SCAPER: variants seen among roughly 807,000 people sequenced by gnomAD.
SCAPER encodes the protein S phase cyclin A-associated protein in the endoplasmic reticulum.
A neutral mutation model predicts 182.2 loss-of-function variants in SCAPER; 98 were observed. The observed-to-expected ratio is 0.54, with a 90% CI of 0.46 to 0.64. The LOEUF is 0.64. Among genes scored for constraint, SCAPER ranks in the 30% least tolerant of loss-of-function variants. The pLI is 0.00. For missense variants in SCAPER, 1,432 were observed against 1,690.0 expected (o/e 0.85, Z 2.68); for synonymous variants, 605 against 564.6 (o/e 1.07, Z -1.01).
intron 1 of SCAPER, among the ~76,000 whole-genome samples, chr15:76,900,342 T>TAAAAAAAAAAAAAAAAAAAACAA (rs56677318): frequency 1.7e-5 from 1 of 59,106 alleles, no homozygotes; most frequent in Non-Finnish European, 3.6e-5. Context: ...CAATAAATAC[T>TAAAAAAAAAAAAAAAAAAAACAA]AAAAAAAAAA....
intron 17 of SCAPER, among the ~76,000 whole-genome samples, chr15:76,724,731 T>C (rs909765241): frequency 3.3e-5 from 5 of 152,216 alleles, no homozygotes; most frequent in African/African-American, 1.2e-4. Context: ...TTACTGAGTC[T>C]TGTGCATTTG....
At chr15:76,402,296 C>T (rs1391393554) in intron 27 of SCAPER, among the ~76,000 whole-genome samples, 1 of 152,128 alleles carries the variant, frequency 6.6e-6, no homozygotes, top group Non-Finnish European at 1.5e-5. Context: ...TTATTAACGC[C>T]ACTACTGGAG....
chr15:76,719,010 A>G (rs2060046597), intron 17 of SCAPER, among the ~76,000 whole-genome samples: 1 of 152,288 alleles, frequency 6.6e-6, no homozygotes, highest in South Asian at 2.1e-4. Flanking sequence ...AGAAATTTAA[A>G]ATAGAACTAC....
intron 4 of SCAPER, among the ~76,000 whole-genome samples, chr15:76,849,678 C>T (rs182295189): frequency 6.6e-6 from 1 of 152,346 alleles, no homozygotes; most frequent in Non-Finnish European, 1.5e-5. Context: ...AAGCTATCAA[C>T]TGATCAATAC....
chr15:76,602,232 G>C (rs75579458), intron 22 of SCAPER, among the ~76,000 whole-genome samples: 4,794 of 121,624 alleles, frequency 0.039, 754 homozygotes, highest in African/African-American at 0.11. Flanking sequence ...TTGTTATACA[G>C]ATCTGAGTTT....
intron 22 of SCAPER, among the ~76,000 whole-genome samples, chr15:76,614,668 G>A (rs777007035): frequency 2.0e-5 from 3 of 152,140 alleles, no homozygotes; most frequent in Non-Finnish European, 2.9e-5. Flanking sequence ...CACAGTGAAA[G>A]AAGGGGGACA....
intron 26 of SCAPER, among the ~76,000 whole-genome samples, chr15:76,430,932 G>C (rs2046819113): frequency 6.6e-6 from 1 of 152,112 alleles, no homozygotes; most frequent in South Asian, 2.1e-4. Context: ...CCCGGTGGGA[G>C]GTAACTGAAT....
intron 20 of SCAPER, among the ~76,000 whole-genome samples, chr15:76,683,732 G>A (rs1349697995): frequency 6.6e-6 from 1 of 151,838 alleles, no homozygotes; most frequent in Non-Finnish European, 1.5e-5. Context: ...AACCTTACAA[G>A]ACAGAAGACA....
In SCAPER at chr15:76,354,558, T is replaced by TTA. The variant is rs1324734516; in HGVS notation, c.3856-420_3856-419dup. 1 of 163,084 alleles carries TTA rather than the reference T, an allele frequency of 6.1e-6. No individual in the cohort carries two copies. Among genetic ancestry groups the TTA allele is most frequent in the African/African-American group, 2.4e-5 (1 of 41,564 alleles). 10.1% of individuals were successfully genotyped at this position (163,084 alleles called of 1,614,324 possible). On this transcript the variant is annotated intron_variant, in intron 29 of 31. Transcript: ENST00000563290. The surrounding 1 kb of genome is among the most constrained non-coding windows in gnomAD (Gnocchi z 4.4). ...AGGCCCTGCCCACTGCAGTCTTCCCTTAGCTTAGCTCACTGAATACACTCA... is the reference window on the plus strand; with the variant it reads ...AGGCCCTGCCCACTGCAGTCTTCCCTTATAGCTTAGCTCACTGAATACACTCA...
intron 8 of SCAPER, among the ~76,000 whole-genome samples, chr15:76,781,586 G>A (rs900025733): frequency 2.0e-5 from 3 of 152,160 alleles, no homozygotes; most frequent in Non-Finnish European, 4.4e-5. Flanking sequence ...ACACATAATT[G>A]TCAGATTCAT....
intron 24 of SCAPER, among the ~76,000 whole-genome samples, chr15:76,486,886 G>T (rs1294190026): frequency 1.3e-5 from 2 of 152,154 alleles, no homozygotes; most frequent in Non-Finnish European, 2.9e-5. Context: ...AAAGACACAT[G>T]CATGCAAATG....
At chr15:76,429,256 C>T (rs2046690341) in intron 26 of SCAPER, among the ~76,000 whole-genome samples, 1 of 152,014 alleles carries the variant, frequency 6.6e-6, no homozygotes, top group South Asian at 2.1e-4. Flanking sequence ...TCTTTATCAG[C>T]AGTGTGAAAA....
rs552169833 is a variant in SCAPER, at chr15:76,828,303, C to G, written c.393+13431G>C. On this transcript the variant is annotated intron_variant, in intron 5 of 31. Coordinates refer to ENST00000563290, the MANE Select transcript of SCAPER (RefSeq NM_020843.4). ...GCAATAGAAAACAGACTGAGACAACCAGACAAGTCAAATTTGACTAACCCA... is the reference window on the plus strand; with the variant it reads ...GCAATAGAAAACAGACTGAGACAACGAGACAAGTCAAATTTGACTAACCCA... Among the ~76,000 whole-genome samples the G allele has an allele frequency of 2.0e-5, 3 of 151,714 alleles. No homozygotes were observed. The South Asian group carries it at 6.2e-4, about 32-fold the overall frequency.
At chr15:76,629,335 C>A (rs1413972780) in intron 21 of SCAPER, among the ~76,000 whole-genome samples, 2 of 152,136 alleles carry the variant, frequency 1.3e-5, no homozygotes, top group Admixed American at 6.5e-5. Flanking sequence ...TTGTCTTGGG[C>A]CAGTTTTTGA....
chr15:76,767,765 A>C (rs377586887), intron 10 of SCAPER, among the ~76,000 whole-genome samples: 99 of 152,280 alleles, frequency 6.5e-4, no homozygotes, highest in African/African-American at 2.2e-3. Context: ...ATTTAAACAA[A>C]CTATGTCAAT....
intron 20 of SCAPER, among the ~76,000 whole-genome samples, chr15:76,686,869 C>A (rs1018065090): frequency 2.0e-5 from 3 of 151,914 alleles, no homozygotes; most frequent in East Asian, 1.9e-4. Context: ...TAGGAATAGA[C>A]CTACATTCAA....
intron 14 of SCAPER, among the ~76,000 whole-genome samples, chr15:76,762,191 T>A (rs1417833800): frequency 6.6e-6 from 1 of 152,182 alleles, no homozygotes; most frequent in Non-Finnish European, 1.5e-5. Flanking sequence ...TGTCTTTTTT[T>A]AATTCACTGA....
chr15:76,817,322 A>T (rs2067166361), intron 5 of SCAPER, among the ~76,000 whole-genome samples: 2 of 152,236 alleles, frequency 1.3e-5, no homozygotes, highest in African/African-American at 4.8e-5. Context: ...CCTACAAAGA[A>T]AAATAGTGTA....
At chr15:76,463,537 T>C (rs1018787881) in intron 25 of SCAPER, among the ~76,000 whole-genome samples, 1 of 152,094 alleles carries the variant, frequency 6.6e-6, no homozygotes, top group African/African-American at 2.4e-5. Context: ...CAATTAACAA[T>C]CTCCTTGGCT....
Sources: allele counts gnomAD v4.1 joint callset (sites outside exome capture counted in the v4.1 genomes callset), GRCh38; gene constraint gnomAD v4.1.1; non-coding constraint Gnocchi (gnomAD v3.1); transcripts MANE v1.5; gene names NCBI Gene and HGNC (gene_info 2026-07-23, HGNC 2026-07-21).